The following IGSF10 variants were observed in gnomAD, a reference collection of about 807,000 sequenced individuals.
IGSF10 encodes the protein calvaria mechanical force protein 608.
A neutral mutation model predicts 128.2 loss-of-function variants in IGSF10; 126 were observed. The ratio of observed to expected loss-of-function variants is 0.98; its 90% CI spans 0.85 to 1.14. IGSF10 has a LOEUF of 1.14. IGSF10 is among the 50% of genes most tolerant of loss of function. The pLI is 0.00. For missense variants in IGSF10, 3,295 were observed against 3,149.8 expected, an observed-to-expected ratio of 1.05 and a Z score of -1.10; for synonymous variants, 1,185 against 1,146.2, an observed-to-expected ratio of 1.03 and a Z score of -0.68.
rs763371015 is a variant in IGSF10 at position 151,460,250 on chromosome 3, A to T, written c.-2+11T>A. 9 of 864,756 alleles carry T rather than the reference A, an allele frequency of 1.0e-5. No individual in the cohort carries two copies. The highest frequency in any genetic ancestry group is 5.9e-4 in the Middle Eastern group (1 of 1,686). The allele number at this position is 864,756 out of a possible 1,614,324, so 53.6% of individuals were successfully genotyped here. ...TGAAAATGTACATAATGAAATAGGA[A>T]TTGGCAATACCTGAGCTCTTCTTTC... On this transcript the variant is annotated intron_variant, in intron 2 of 7. Coordinates refer to ENST00000282466, the MANE Select transcript of IGSF10 (RefSeq NM_178822.5).
the IGSF10 span, among the ~76,000 whole-genome samples, chr3:151,481,420 T>C: frequency 4.6e-5 from 7 of 152,084 alleles, no homozygotes; most frequent in Non-Finnish European, 7.4e-5. Context: ...CAGAGCTAAT[T>C]TGCAGCCCCA....
chr3:151,558,664 A>G, the IGSF10 span, among the ~76,000 whole-genome samples: 12 of 151,930 alleles, frequency 7.9e-5, no homozygotes, highest in Non-Finnish European at 1.6e-4. Context: ...TAGTGAATAC[A>G]TATTTTTCCT....
chr3:151,491,644 AT>A, the IGSF10 span, among the ~76,000 whole-genome samples: 1 of 152,144 alleles, frequency 6.6e-6, no homozygotes, highest in Non-Finnish European at 1.5e-5. Flanking sequence ...GTAGCAAGAG[AT>A]TGAGTAAGTA....
chr3:151,490,281 A>C, the IGSF10 span, among the ~76,000 whole-genome samples: 3 of 152,172 alleles, frequency 2.0e-5, no homozygotes, highest in African/African-American at 7.2e-5. Flanking sequence ...CAAGAAACAA[A>C]GAGTGTCATT....
the IGSF10 span, among the ~76,000 whole-genome samples, chr3:151,480,413 C>T: frequency 6.5e-4 from 99 of 152,264 alleles, no homozygotes; most frequent in Non-Finnish European, 7.5e-4. Context: ...ACTTTCAGTC[C>T]TCATAGGTGT....
At chr3:151,552,859 G>C in the IGSF10 span, among the ~76,000 whole-genome samples, 1 of 152,048 alleles carries the variant, frequency 6.6e-6, no homozygotes, top group South Asian at 2.1e-4. Context: ...AGTCATGATA[G>C]GCCTTCTTTT....
In IGSF10 at chr3:151,438,107, T is replaced by A. The variant is rs762573639; in HGVS notation, c.6454A>T (p.Arg2152Ter). 4.3e-6 allele frequency: 7 copies of A among 1,614,210 alleles called. 1 individual carries two copies. The East Asian group carries it at 1.6e-4, about 36-fold the overall frequency. Reference protein sequence around the residue: ...RIRQSNKTNKRIKAGDTAVLD... With the variant: ...RIRQSNKTNK ...ACAGCTGTGTCTCCAGCTTTGATTC[T>A]CTTGTTGGTTTTGTTACTCTGCCTT... The change falls in exon 8 of 8, where the codon AGA (arginine) becomes TGA (stop). Residue 2152 changes from arginine (R) to a stop codon, truncating the protein, a stop_gained. Coordinates refer to ENST00000282466, the MANE Select transcript of IGSF10 (RefSeq NM_178822.5). LOFTEE classifies it low-confidence loss of function (END_TRUNC).
chr3:151,610,963 G>C, the IGSF10 span, among the ~76,000 whole-genome samples: 1 of 152,194 alleles, frequency 6.6e-6, no homozygotes, highest in Admixed American at 6.5e-5. Context: ...ATGCATTTTA[G>C]AGGATACATT....
chr3:151,512,541 C>T, the IGSF10 span, among the ~76,000 whole-genome samples: 1 of 151,984 alleles, frequency 6.6e-6, no homozygotes, highest in African/African-American at 2.4e-5. Context: ...CCTAACATCA[C>T]AATTAAAAGA....
chr3:151,560,618 A>C, the IGSF10 span, among the ~76,000 whole-genome samples: 1 of 152,150 alleles, frequency 6.6e-6, no homozygotes, highest in Non-Finnish European at 1.5e-5. Flanking sequence ...TTATGATGTT[A>C]ATTTAATCCC....
At chr3:151,444,412 A>G (rs986744013) in intron 6 of IGSF10, among the ~76,000 whole-genome samples, 3 of 152,160 alleles carry the variant, frequency 2.0e-5, no homozygotes, top group Non-Finnish European at 4.4e-5. Context: ...GGTTCGAGCA[A>G]TTCTTCTGTC....
the IGSF10 span, among the ~76,000 whole-genome samples, chr3:151,569,341 G>A: frequency 6.6e-6 from 1 of 152,208 alleles, no homozygotes; most frequent in African/African-American, 2.4e-5. Flanking sequence ...TATAGTGCCA[G>A]AATTACAGGC....
the IGSF10 span, among the ~76,000 whole-genome samples, chr3:151,548,628 C>T: frequency 3.3e-5 from 5 of 152,170 alleles, no homozygotes; most frequent in Admixed American, 6.5e-5. Flanking sequence ...TTTATGATGG[C>T]TATTTCACTC....
chr3:151,443,396 C>G lies in IGSF10; in HGVS notation c.5551G>C (p.Val1851Leu), dbSNP rs752540685. 4 of 1,614,146 alleles carry G rather than the reference C, an allele frequency of 2.5e-6. No individual in the cohort carries two copies. Among genetic ancestry groups the G allele is most frequent in the Non-Finnish European group, 3.4e-6 (4 of 1,180,062 alleles). ...CTTTCACCCCAAGTGCCTACAATGACTTGCCTCCTTTGCTCTAGAATAACA... is the reference window on the plus strand; with the variant it reads ...CTTTCACCCCAAGTGCCTACAATGAGTTGCCTCCTTTGCTCTAGAATAACA... Reference protein sequence around the residue: ...PPVILEQRRQVIVGTWGESLK... With the variant: ...PPVILEQRRQLIVGTWGESLK... The change falls in exon 7 of 8, where the codon GTC becomes CTC. Residue 1851 changes from valine (V) to leucine (L), a missense_variant. Transcript: ENST00000282466.
chr3:151,580,443 A>T, the IGSF10 span, among the ~76,000 whole-genome samples: 1 of 152,220 alleles, frequency 6.6e-6, no homozygotes, highest in African/African-American at 2.4e-5. Flanking sequence ...ATCTTTTCTT[A>T]TTCTAATCAC....
chr3:151,553,644 A>G, the IGSF10 span, among the ~76,000 whole-genome samples: 1 of 151,468 alleles, frequency 6.6e-6, no homozygotes, highest in Non-Finnish European at 1.5e-5. Context: ...CTATATATAT[A>G]CAATATATAT....
chr3:151,597,232 T>C, the IGSF10 span, among the ~76,000 whole-genome samples: 3 of 152,134 alleles, frequency 2.0e-5, no homozygotes, highest in Non-Finnish European at 4.4e-5. Flanking sequence ...AGTGAGGAAA[T>C]GGACACAGAT....
chr3:151,537,028 C>T, the IGSF10 span, among the ~76,000 whole-genome samples: 31 of 152,086 alleles, frequency 2.0e-4, 1 homozygote, highest in Admixed American at 6.6e-5. Context: ...GTTCTTTATT[C>T]GAGCATTTAT....
chr3:151,487,653 C>T, the IGSF10 span, among the ~76,000 whole-genome samples: 127,118 of 152,104 alleles, frequency 0.84, 53,322 homozygotes, highest in Middle Eastern at 0.94. Context: ...TGGCTTCATC[C>T]CTGGGATGCA....
Sources: allele counts gnomAD v4.1 joint callset (sites outside exome capture counted in the v4.1 genomes callset), GRCh38; gene constraint gnomAD v4.1.1; transcripts MANE v1.5; gene names NCBI Gene and HGNC (gene_info 2026-07-23, HGNC 2026-07-21).